The following CCDC197 variants were observed in gnomAD, a reference collection of about 807,000 sequenced individuals.
CCDC197 encodes the protein coiled-coil domain containing 197, also known as uncharacterized protein CCDC197.
A neutral mutation model predicts 13.4 loss-of-function variants in CCDC197; 24 were observed. The ratio of observed to expected loss-of-function variants is 1.80; its 90% CI spans 1.30 to 2.53. The LOEUF is 2.53. Ranked by LOEUF, CCDC197 falls within the 30% of genes most tolerant of loss-of-function variation. The pLI, the probability that CCDC197 is intolerant of heterozygous loss-of-function variation, is 0.00. For synonymous variants in CCDC197, 99 were observed against 55.5 expected (o/e 1.78, Z -3.48); for missense variants, 255 against 148.8 (o/e 1.71, Z -3.71).
At chr14:94,006,449 G>A (rs1018274396) in intron 6 of CCDC197, among the ~76,000 whole-genome samples, 2 of 151,602 alleles carry the variant, frequency 1.3e-5, no homozygotes, top group African/African-American at 4.9e-5. Context: ...TCTGCCTCCC[G>A]GGTTCAAGCA....
Position 94,004,993 on chromosome 14 carries a change from C to T in CCDC197, c.615+22C>T, listed in dbSNP as rs575477449. 175 of 699,352 alleles carry T rather than the reference C, an allele frequency of 2.5e-4. No homozygotes were observed. In the African/African-American group the frequency reaches 2.6e-3, roughly 10 times the overall value. The allele number at this position is 699,352 out of a possible 1,614,324, so 43.3% of individuals were successfully genotyped here. ...TAAGGTAAGGATAGACAGATGGCTGCGGGGCTCCTGACTGCCCCAGGCAAG... is the reference window on the plus strand; with the variant it reads ...TAAGGTAAGGATAGACAGATGGCTGTGGGGCTCCTGACTGCCCCAGGCAAG... On this transcript the variant is annotated intron_variant, in intron 6 of 6. Coordinates refer to ENST00000636493, the MANE Select transcript of CCDC197 (RefSeq NM_001351596.2).
At chr14:94,008,877 C>T, downstream of CCDC197, 1 of 655,252 alleles carries the variant, frequency 1.5e-6, no homozygotes, top group South Asian at 1.6e-5. Flanking sequence ...CTCCTTTTCT[C>T]ACCACCAACA....
chr14:93,996,946 G>A (rs1041358597), upstream of CCDC197, among the ~76,000 whole-genome samples: 2 of 152,230 alleles, frequency 1.3e-5, no homozygotes, highest in Non-Finnish European at 2.9e-5. Flanking sequence ...GTGGGGCTGA[G>A]CCTTGGGGGG....
upstream of CCDC197, among the ~76,000 whole-genome samples, chr14:93,995,954 C>T (rs904790458): frequency 1.1e-4 from 17 of 152,232 alleles, no homozygotes; most frequent in Non-Finnish European, 1.5e-4. Context: ...GCTTTGAAGG[C>T]GCTGCCTACG....
chr14:94,001,584 G>T (rs574397213), intron 4 of CCDC197: 38 of 349,894 alleles, frequency 1.1e-4, no homozygotes, highest in Non-Finnish European at 1.0e-5. Context: ...ACTGGAGCTC[G>T]GCTCCCAGCT....
At chr14:93,996,744 G>A (rs1171202899), upstream of CCDC197, among the ~76,000 whole-genome samples, 2 of 152,018 alleles carry the variant, frequency 1.3e-5, no homozygotes, top group African/African-American at 2.4e-5. Flanking sequence ...AGGGTGGTGC[G>A]TGTGGTGGGG....
intron 4 of CCDC197, among the ~76,000 whole-genome samples, chr14:94,001,920 T>G (rs1345536503): frequency 1.3e-5 from 2 of 152,188 alleles, no homozygotes; most frequent in East Asian, 3.9e-4. Context: ...GTTGGTTCAC[T>G]GCAAAGGGTT....
chr14:93,996,534 C>T (rs1378171264), upstream of CCDC197, among the ~76,000 whole-genome samples: 2 of 152,216 alleles, frequency 1.3e-5, no homozygotes, highest in Non-Finnish European at 2.9e-5. Context: ...GAGACCCCCG[C>T]CCTCCCTCAT....
chr14:93,997,147 C>G (rs1176976020), upstream of CCDC197: 1 of 152,240 alleles, frequency 6.6e-6, no homozygotes, highest in Admixed American at 6.5e-5. Context: ...GGGAACGGGA[C>G]TGGGAGTTGG....
In CCDC197 at chr14:94,004,905, G is replaced by A; in HGVS notation, c.549G>A (p.Gln183=). ...TGACCATCACCAACATGGCCCGGCA[G>A]TGCTGCCCCTCTGCCCACGGCGTGC... ...MQMTITNMAR[Q]CCPSAHGVPK... Residue 183 remains glutamine (Q), a synonymous_variant, in exon 6 of 7, where the codon CAG becomes CAA. Coordinates refer to ENST00000636493, the MANE Select transcript of CCDC197 (RefSeq NM_001351596.2). The A allele has an allele frequency of 1.4e-6, 1 of 703,022 alleles. No homozygotes were observed. The highest frequency in any genetic ancestry group is 2.7e-5 in the East Asian group (1 of 37,286). The allele number at this position is 703,022 out of a possible 1,614,324, so 43.5% of individuals were successfully genotyped here.
upstream of CCDC197, among the ~76,000 whole-genome samples, chr14:93,994,347 T>C (rs1011270444): frequency 6.6e-6 from 1 of 152,222 alleles, no homozygotes; most frequent in African/African-American, 2.4e-5. Context: ...TGTGTACCCT[T>C]GGGCAAGTTA....
chr14:93,999,686 G>T (rs1890433108), intron 3 of CCDC197, 21 bp downstream of exon 3: 1 of 780,638 alleles, frequency 1.3e-6, no homozygotes, highest in East Asian at 2.4e-5. Flanking sequence ...AGCTTCCTCG[G>T]AAAGCCCTTT....
chr14:94,000,458 G>A (rs1402874044), intron 3 of CCDC197, among the ~76,000 whole-genome samples: 1 of 152,136 alleles, frequency 6.6e-6, no homozygotes, highest in African/African-American at 2.4e-5. Flanking sequence ...ATCAGGGAAG[G>A]CTTCCTGGAG....
rs564738954 is a variant in CCDC197 at position 93,989,714 on chromosome 14, T to C, written c.-107+2318T>C. On this transcript the variant is annotated intron_variant, in intron 1 of 7. Transcript: ENST00000640978. ...ACTCATTCTTAGTGAGTCTTGTAGG[T>C]CTTAGAGGGTCTTTGCTGAACCAGC... 2.0e-5 allele frequency among the ~76,000 whole-genome samples: 3 copies of C among 152,242 alleles called. No individual in the cohort carries two copies. The East Asian group carries it at 5.8e-4, about 29-fold the overall frequency.
At position 93,988,238 on chromosome 14, in the gene CCDC197, G is replaced by C. The variant is rs111068081; in HGVS notation, c.-107+842G>C. The stretch of plus-strand genomic sequence containing the variant: ...AGGGGATGAGAGAGGGGATAAGAGA[G>C]GGGATGAGAGAGGGGATGGAAGGAG... On this transcript the variant is annotated intron_variant, in intron 1 of 7. Transcript: ENST00000640978. 7.1e-3 allele frequency among the ~76,000 whole-genome samples: 710 copies of C among 100,646 alleles called. 20 individuals carry two copies. The highest frequency in any genetic ancestry group is 0.029 in the African/African-American group (668 of 23,404). The allele number at this position is 100,646 out of a possible 152,430, so 66.0% of individuals were successfully genotyped here. A position where few individuals can be genotyped will look rare whatever the true frequency, so the allele number is the denominator to read the frequency against.
chr14:93,998,014 C>G lies in CCDC197; in HGVS notation c.-118C>G. On this transcript the variant is annotated 5_prime_UTR_variant, in exon 2 of 7. Coordinates refer to ENST00000636493, the MANE Select transcript of CCDC197 (RefSeq NM_001351596.2). ...TTTCTGTGAGGTGGGGATGCTAACC[C>G]TGGCTTCCAAGGATCTGAAGAGGAA... 2 of 669,832 alleles carry G rather than the reference C, an allele frequency of 3.0e-6. No individual in the cohort carries two copies. Among genetic ancestry groups the G allele is most frequent in the Admixed American group, 4.3e-5 (2 of 46,268 alleles). 41.5% of individuals were successfully genotyped at this position (669,832 alleles called of 1,614,324 possible).
intron 1 of CCDC197, among the ~76,000 whole-genome samples, chr14:93,987,719 G>A (rs774653258): frequency 5.9e-5 from 9 of 152,158 alleles, no homozygotes; most frequent in Admixed American, 3.9e-4. Flanking sequence ...GCTTCCTAAC[G>A]GGCGGGAGTG....
chr14:93,995,067 T>A (rs956212063), upstream of CCDC197, among the ~76,000 whole-genome samples: 2 of 152,160 alleles, frequency 1.3e-5, no homozygotes, highest in Non-Finnish European at 2.9e-5. Flanking sequence ...TGAAGATGAA[T>A]GAACCCCTGC....
At position 94,003,324 on chromosome 14, in the gene CCDC197, C is replaced by T; in HGVS notation, c.468C>T (p.Asp156=). ...KHSITYQKDI[D]FDTHTSSSYN... is the part of the protein sequence containing the mutation. ...GCATCACTTACCAGAAGGACATTGA[C>T]TTTGACACACACACCAGCAGCAGCT... The change falls in exon 5 of 7, where the codon GAC becomes GAT. Residue 156 remains aspartate (D), a synonymous_variant. Coordinates refer to ENST00000636493, the MANE Select transcript of CCDC197 (RefSeq NM_001351596.2). The surrounding 1 kb of genome is among the most constrained non-coding windows in gnomAD (Gnocchi z 5.0). 1.7e-6 allele frequency: 1 copy of T among 583,324 alleles called. No homozygotes were observed. Among genetic ancestry groups the T allele is most frequent in the Non-Finnish European group, 3.4e-6 (1 of 293,032 alleles). 36.1% of individuals were successfully genotyped at this position (583,324 alleles called of 1,614,324 possible). A position where few individuals can be genotyped will look rare whatever the true frequency, so the allele number is the denominator to read the frequency against.
Sources: gnomAD v4.1 joint callset for allele counts (sites outside exome capture counted in the v4.1 genomes callset) on GRCh38, gnomAD v4.1.1 for gene constraint, Gnocchi (gnomAD v3.1) non-coding constraint, MANE v1.5 for transcripts, NCBI Gene and HGNC (gene_info 2026-07-23, HGNC 2026-07-21) for gene names.